BPIFB2: variants seen among roughly 807,000 people sequenced by gnomAD.
The protein encoded by BPIFB2 is BPI fold-containing family B member 2.
BPIFB2 carries 39 observed loss-of-function variants against 50.1 expected under a neutral mutation model. That is an observed-to-expected ratio of 0.78 (90% confidence interval 0.60 to 1.02). BPIFB2 has a LOEUF of 1.02. Ranked by LOEUF, BPIFB2 falls within the 50% of genes least tolerant of loss-of-function variation. The pLI is 0.00. For missense variants in BPIFB2, 574 were observed against 585.8 expected, an observed-to-expected ratio of 0.98 and a Z score of 0.21; for synonymous variants, 280 against 256.3, an observed-to-expected ratio of 1.09 and a Z score of -0.88.
rs1978742637 is a variant in BPIFB2, at chr20:33,023,245, A to G, written c.1336-97A>G. ...AGGACTCTCCTCACAACCCACAGCAAGAATGGCAGAGCAGAACTCAGAGCC... is the reference window on the plus strand; with the variant it reads ...AGGACTCTCCTCACAACCCACAGCAGGAATGGCAGAGCAGAACTCAGAGCC... On this transcript the variant is annotated intron_variant, in intron 15 of 15. Transcript: ENST00000170150. The G allele has an allele frequency of 2.4e-6, 3 of 1,260,198 alleles. No homozygotes were observed. The African/African-American group carries it at 4.4e-5, about 19-fold the overall frequency. The allele number at this position is 1,260,198 out of a possible 1,614,324, so 78.1% of individuals were successfully genotyped here. A position where few individuals can be genotyped will look rare whatever the true frequency, so the allele number is the denominator to read the frequency against.
rs932606192 is a variant in BPIFB2 at position 33,023,678 on chromosome 20, A to G, written c.*295A>G. 3 of 497,532 alleles carry G rather than the reference A, an allele frequency of 6.0e-6. No individual in the cohort carries two copies. The highest frequency in any genetic ancestry group is 6.9e-5 in the Admixed American group (2 of 29,194). The allele number at this position is 497,532 out of a possible 1,614,324, so 30.8% of individuals were successfully genotyped here. On this transcript the variant is annotated 3_prime_UTR_variant, in exon 16 of 16. Transcript: ENST00000170150. ...AGGCTGTATAGACCTGCCCTCTTGC[A>G]TTAAACAACTTCTCTTGAGCTGCAA...
chr20:33,021,846 G>T (rs774410427), intron 15 of BPIFB2, 47 bp downstream of exon 15: 4 of 1,563,832 alleles, frequency 2.6e-6, no homozygotes, highest in Middle Eastern at 1.7e-4. Flanking sequence ...CACTCAGAGG[G>T]ACTGATTGAG....
At chr20:33,016,970 C>A in intron 6 of BPIFB2, 72 bp from the exon 7 acceptor site, 1 of 1,394,596 alleles carries the variant, frequency 7.2e-7, no homozygotes, top group Non-Finnish European at 1.0e-6. Flanking sequence ...GACTCTAGAC[C>A]CCTCTCAGCC....
Position 33,019,745 on chromosome 20 carries a change from G to C in BPIFB2, c.1075G>C (p.Asp359His), listed in dbSNP as rs61734341. 73,512 of 1,603,650 alleles carry C rather than the reference G, an allele frequency of 0.046. 2,035 individuals carry two copies. The highest frequency in any genetic ancestry group is 0.057 in the Non-Finnish European group (66,727 of 1,174,046). Residue 359 changes from aspartate (D) to histidine (H), a missense_variant, in exon 11 of 16, where the codon GAT (aspartate) becomes CAT (histidine). Asp to His is a moderately conservative substitution (Grantham distance 81). Coordinates refer to ENST00000170150, the MANE Select transcript of BPIFB2 (RefSeq NM_025227.3). ...NSAFQSLFSL[D>H]VVVNLRLQLS... ...GGCTTTCCAGTCCCTCTTCTCCCTG[G>C]ATGTGGTGAGTGCGGTGGGGCTGGT... is the stretch of plus-strand genomic sequence containing the variant.
In BPIFB2 at chr20:33,015,555, GAAGA is replaced by G. The variant is rs1231921752; in HGVS notation, c.516+64_516+67del. On this transcript the variant is annotated intron_variant, in intron 6 of 15. Coordinates refer to ENST00000170150, the MANE Select transcript of BPIFB2 (RefSeq NM_025227.3). The stretch of plus-strand genomic sequence containing the variant: ...CATGGCTTCACCGAGAAGGCACAGT[GAAGA>G]AAGAGTGGGATTTCAGGCAGGGGGT... 13 of 1,434,458 alleles carry G rather than the reference GAAGA, an allele frequency of 9.1e-6. No homozygotes were observed. In the Admixed American group the frequency reaches 1.6e-4, roughly 18 times the overall value. 88.9% of individuals were successfully genotyped at this position (1,434,458 alleles called of 1,614,324 possible).
At chr20:33,019,442 T>C in intron 10 of BPIFB2, 138 bp from the exon 11 acceptor site, 2 of 1,035,336 alleles carry the variant, frequency 1.9e-6, no homozygotes, top group Non-Finnish European at 2.7e-6. Flanking sequence ...ACCCACTGGC[T>C]TACACAGAGG....
intron 1 of BPIFB2, 77 bp from the exon 2 acceptor site, chr20:33,008,464 C>T (rs1568975150): frequency 1.2e-6 from 1 of 808,324 alleles, no homozygotes. Flanking sequence ...CTTGTTCCCT[C>T]CAGGCTGGAG....
At chr20:33,014,155 C>A (rs913505321) in intron 5 of BPIFB2, among the ~76,000 whole-genome samples, 199 bp downstream of exon 5, 1 of 152,208 alleles carries the variant, frequency 6.6e-6, no homozygotes, top group African/African-American at 2.4e-5. Flanking sequence ...AGCAAGTGAG[C>A]GGCCAGAGCC....
chr20:33,010,922 A>T (rs1252989779), intron 2 of BPIFB2, 102 bp from the exon 3 acceptor site: 4 of 1,012,116 alleles, frequency 4.0e-6, no homozygotes, highest in Non-Finnish European at 4.6e-6. Flanking sequence ...TTCCAGTCTG[A>T]GTACCCTCTG....
chr20:33,021,071 A>G (rs1484948810), intron 13 of BPIFB2, among the ~76,000 whole-genome samples: 1 of 152,104 alleles, frequency 6.6e-6, no homozygotes, highest in Non-Finnish European at 1.5e-5. Context: ...GCTGGGTGTG[A>G]TCCTGCGAAG....
chr20:33,012,754 C>A lies in BPIFB2; in HGVS notation c.204-49C>A, dbSNP rs1360731041. The A allele has an allele frequency of 2.1e-6, 3 of 1,462,732 alleles. No homozygotes were observed. The East Asian group carries it at 6.8e-5, about 33-fold the overall frequency. 90.6% of individuals were successfully genotyped at this position (1,462,732 alleles called of 1,614,324 possible). ...TCAGAGCACCCACCCCAGAGTTGATCCCATGGTTTAATGGGGGCCACTCTG... is the reference window on the plus strand; with the variant it reads ...TCAGAGCACCCACCCCAGAGTTGATACCATGGTTTAATGGGGGCCACTCTG... On this transcript the variant is annotated intron_variant, in intron 3 of 15. Transcript: ENST00000170150.
At chr20:33,011,705 G>A (rs940534501) in intron 3 of BPIFB2, among the ~76,000 whole-genome samples, 5 of 152,206 alleles carry the variant, frequency 3.3e-5, no homozygotes, top group African/African-American at 4.8e-5. Flanking sequence ...AAGCCCAGGC[G>A]CAGTGGTCCA....
At position 33,015,446 on chromosome 20, in the gene BPIFB2, G is replaced by GC. The variant is rs1203444185; in HGVS notation, c.467dup (p.Leu157AlafsTer10). On this transcript the variant is annotated frameshift_variant, in exon 6 of 16. Coordinates refer to ENST00000170150, the MANE Select transcript of BPIFB2 (RefSeq NM_025227.3). LOFTEE classifies it high-confidence loss of function. ...GTGTTTCTCCCTCAGCACCTCCCAC[G>GC]CGCTGCTGGTCCTGGTGCAGAAGCA... 1.2e-6 allele frequency: 2 copies of GC among 1,613,510 alleles called. No individual in the cohort carries two copies. Among genetic ancestry groups the GC allele is most frequent in the Non-Finnish European group, 1.7e-6 (2 of 1,179,784 alleles).
At chr20:33,021,602 G>T (rs1442293462) in intron 14 of BPIFB2, 121 bp from the exon 15 acceptor site, 2 of 1,068,620 alleles carry the variant, frequency 1.9e-6, no homozygotes, top group Admixed American at 1.9e-5. Flanking sequence ...CTGTAAAAGG[G>T]GTATAACAAT....
At chr20:33,015,067 A>G (rs149540656) in intron 5 of BPIFB2, among the ~76,000 whole-genome samples, 2 of 152,338 alleles carry the variant, frequency 1.3e-5, no homozygotes, top group East Asian at 3.9e-4. Context: ...GACCCAAAGC[A>G]TGAAGCAGAC....
intron 6 of BPIFB2, 30 bp from the exon 7 acceptor site, chr20:33,017,012 C>G (rs746641116): frequency 1.2e-6 from 2 of 1,610,378 alleles, no homozygotes; most frequent in Non-Finnish European, 1.7e-6. Flanking sequence ...CTGCCCTAAC[C>G]CCAGCCTCCT....
At chr20:33,014,670 T>C (rs1477594132) in intron 5 of BPIFB2, among the ~76,000 whole-genome samples, 1 of 152,212 alleles carries the variant, frequency 6.6e-6, no homozygotes, top group African/African-American at 2.4e-5. Flanking sequence ...TGCTGAGGTG[T>C]TGAGCATCTT....
intron 3 of BPIFB2, among the ~76,000 whole-genome samples, chr20:33,011,733 C>T (rs1356926901): frequency 6.6e-6 from 1 of 152,182 alleles, no homozygotes; most frequent in Non-Finnish European, 1.5e-5. Flanking sequence ...AATCCCAGCA[C>T]TTTGGGAGGC....
Position 33,023,420 on chromosome 20 carries a change from C to G in BPIFB2, c.*37C>G. The G allele has an allele frequency of 6.2e-7, 1 of 1,606,116 alleles. No homozygotes were observed. Among genetic ancestry groups the G allele is most frequent in the South Asian group, 1.1e-5 (1 of 90,882 alleles). Reference sequence around the variant, plus strand: ...TGGGAGGCCTGAGAGTGGGCCAGCTCGCTGCTCAGGCGAATTTCTCATTTC... The same window carrying G: ...TGGGAGGCCTGAGAGTGGGCCAGCTGGCTGCTCAGGCGAATTTCTCATTTC... On this transcript the variant is annotated 3_prime_UTR_variant, in exon 16 of 16. Coordinates refer to ENST00000170150, the MANE Select transcript of BPIFB2 (RefSeq NM_025227.3).
Sources: allele counts gnomAD v4.1 joint callset (sites outside exome capture counted in the v4.1 genomes callset), GRCh38; gene constraint gnomAD v4.1.1; transcripts MANE v1.5; gene names NCBI Gene and HGNC (gene_info 2026-07-23, HGNC 2026-07-21).